ZBTB7C: variants seen among roughly 807,000 people sequenced by gnomAD.
ZBTB7C encodes the protein zinc finger and BTB domain-containing protein 7C.
A neutral mutation model predicts 25.7 loss-of-function variants in ZBTB7C; 8 were observed. The observed-to-expected ratio is 0.31, with a 90% CI of 0.18 to 0.56. The LOEUF (loss-of-function observed/expected upper bound fraction) is 0.56, where lower values mean the gene tolerates loss of function less well. Ranked by LOEUF, ZBTB7C falls within the 20% of genes least tolerant of loss-of-function variation. The pLI, the probability that ZBTB7C is intolerant of heterozygous loss-of-function variation, is 0.91. For synonymous variants in ZBTB7C, 394 were observed against 369.0 expected (o/e 1.07, Z -0.78); for missense variants, 824 against 855.2 (o/e 0.96, Z 0.46).
At chr18:48,112,853 CTT>C (rs2039295865) in intron 3 of ZBTB7C, among the ~76,000 whole-genome samples, 2 of 152,146 alleles carry the variant, frequency 1.3e-5, no homozygotes, top group African/African-American at 4.8e-5. Context: ...TCCCTCTCTT[CTT>C]GTTTAAATTT....
intron 1 of ZBTB7C, among the ~76,000 whole-genome samples, chr18:48,354,430 G>A (rs375574573): frequency 2.7e-4 from 41 of 152,238 alleles, no homozygotes; most frequent in Non-Finnish European, 3.8e-4. Flanking sequence ...CACGAACATC[G>A]TTCTCACAGA....
At chr18:48,039,872 C>T in intron 4 of ZBTB7C, 28 bp downstream of exon 4, 1 of 1,604,648 alleles carries the variant, frequency 6.2e-7, no homozygotes, top group Non-Finnish European at 8.5e-7. Flanking sequence ...TGGCCCCGTG[C>T]CCCACACCCG....
intron 3 of ZBTB7C, among the ~76,000 whole-genome samples, chr18:48,116,699 C>T (rs1413341607): frequency 6.6e-6 from 1 of 152,140 alleles, no homozygotes; most frequent in East Asian, 1.9e-4. Flanking sequence ...CACTGCTTGC[C>T]TGGCCCTGGG....
At chr18:48,356,080 G>A (rs1157787210) in intron 1 of ZBTB7C, among the ~76,000 whole-genome samples, 1 of 152,040 alleles carries the variant, frequency 6.6e-6, no homozygotes, top group Non-Finnish European at 1.5e-5. Context: ...GTTTTGGCAA[G>A]CCCACCAGGC....
intron 3 of ZBTB7C, among the ~76,000 whole-genome samples, chr18:48,043,999 A>G (rs1159365621): frequency 6.6e-6 from 1 of 152,274 alleles, no homozygotes; most frequent in East Asian, 1.9e-4. Context: ...GAAGAGGAGA[A>G]GGATCCAGCA....
intron 3 of ZBTB7C, among the ~76,000 whole-genome samples, chr18:48,151,294 G>A (rs1039379885): frequency 7.2e-5 from 11 of 152,102 alleles, no homozygotes; most frequent in Admixed American, 1.3e-4. Flanking sequence ...CTGGGACACC[G>A]GGACCTTTTC....
At chr18:48,253,636 G>A (rs2144459462) in intron 2 of ZBTB7C, among the ~76,000 whole-genome samples, 1 of 152,278 alleles carries the variant, frequency 6.6e-6, no homozygotes, top group East Asian at 1.9e-4. Context: ...GCACCAGAGA[G>A]AAGAGAGAGA....
intron 2 of ZBTB7C, among the ~76,000 whole-genome samples, chr18:48,260,958 G>A (rs2044154732): frequency 6.6e-6 from 1 of 152,080 alleles, no homozygotes; most frequent in African/African-American, 2.4e-5. Flanking sequence ...GCTTTAACGG[G>A]CAAATTTGTA....
At chr18:48,264,166 C>T (rs2044246705) in intron 2 of ZBTB7C, among the ~76,000 whole-genome samples, 1 of 152,196 alleles carries the variant, frequency 6.6e-6, no homozygotes, top group African/African-American at 2.4e-5. Flanking sequence ...TGGGTGACAT[C>T]TCTACAGTCA....
At chr18:48,384,616 C>T (rs1489166) in intron 1 of ZBTB7C, among the ~76,000 whole-genome samples, 8,596 of 152,176 alleles carry the variant, frequency 0.056, 413 homozygotes, top group East Asian at 0.15. Flanking sequence ...TTTCTTAAAA[C>T]GTGATTTTAT....
At chr18:48,274,641 T>A (rs2044592137) in intron 2 of ZBTB7C, among the ~76,000 whole-genome samples, 1 of 152,170 alleles carries the variant, frequency 6.6e-6, no homozygotes, top group Non-Finnish European at 1.5e-5. Context: ...CCCCTTCCTC[T>A]CCAGCCTCCA....
intron 3 of ZBTB7C, among the ~76,000 whole-genome samples, chr18:48,081,976 C>CTATTTCT (rs35400099): frequency 0.54 from 82,028 of 151,520 alleles, 24,619 homozygotes; most frequent in African/African-American, 0.81. Flanking sequence ...TTAATGTTAA[C>CTATTTCT]TTGTATTTTT....
At chr18:48,359,641 G>C (rs1264406304) in intron 1 of ZBTB7C, among the ~76,000 whole-genome samples, 5 of 152,214 alleles carry the variant, frequency 3.3e-5, no homozygotes, top group Non-Finnish European at 5.9e-5. Flanking sequence ...CCCATCAAAA[G>C]CTGGTGGTGT....
At position 48,092,271 on chromosome 18, in the gene ZBTB7C, G is replaced by A. The variant is rs773815978; in HGVS notation, c.-16-51148C>T. The stretch of plus-strand genomic sequence containing the variant: ...ACTTAACACGTTGTGAACCCTGGAG[G>A]CTACCAGCCTTGCCCTGGTATGCCC... On this transcript the variant is annotated intron_variant, in intron 3 of 4. Coordinates refer to ENST00000590800, the MANE Select transcript of ZBTB7C (RefSeq NM_001318841.2). Among the ~76,000 whole-genome samples, 3 of 152,200 alleles carry A rather than the reference G, an allele frequency of 2.0e-5. No individual in the cohort carries two copies. In the South Asian group the frequency reaches 6.2e-4, roughly 32 times the overall value.
chr18:48,363,787 G>T (rs1199171568), intron 1 of ZBTB7C, among the ~76,000 whole-genome samples: 1 of 152,030 alleles, frequency 6.6e-6, no homozygotes, highest in Non-Finnish European at 1.5e-5. Flanking sequence ...AACCTCACTG[G>T]TAGGGCAACC....
At chr18:48,034,410 C>T (rs1269454204) in intron 4 of ZBTB7C, among the ~76,000 whole-genome samples, 9 of 152,092 alleles carry the variant, frequency 5.9e-5, no homozygotes, top group African/African-American at 1.4e-4. Flanking sequence ...GCTCCTTCCC[C>T]GTGTGTGCAT....
chr18:48,039,141 C>G (rs910127110), intron 4 of ZBTB7C, among the ~76,000 whole-genome samples: 1 of 152,200 alleles, frequency 6.6e-6, no homozygotes, highest in Non-Finnish European at 1.5e-5. Context: ...GTATTGATTT[C>G]AAATTTCAAA....
At chr18:48,228,459 C>A (rs2043161605) in intron 2 of ZBTB7C, among the ~76,000 whole-genome samples, 2 of 152,082 alleles carry the variant, frequency 1.3e-5, no homozygotes, top group Non-Finnish European at 2.9e-5. Flanking sequence ...GGCCTTGCTG[C>A]GGATGGGTGG....
intron 3 of ZBTB7C, among the ~76,000 whole-genome samples, chr18:48,089,612 G>C (rs981582830): frequency 1.3e-5 from 2 of 152,050 alleles, no homozygotes; most frequent in Non-Finnish European, 2.9e-5. Context: ...CCGCTCACAT[G>C]GGGCTCTCAC....
Sources: allele counts gnomAD v4.1 joint callset (sites outside exome capture counted in the v4.1 genomes callset), GRCh38; gene constraint gnomAD v4.1.1; transcripts MANE v1.5; gene names NCBI Gene and HGNC (gene_info 2026-07-23, HGNC 2026-07-21).